Variants in ARHGEF28 observed in about 807,000 individuals in gnomAD.
ARHGEF28 encodes the protein Rho guanine nucleotide exchange factor 28.
Under a neutral mutation model 206.6 loss-of-function variants are expected in ARHGEF28, and 152 were observed. The ratio of observed to expected loss-of-function variants is 0.74; its 90% CI spans 0.64 to 0.84. The LOEUF is 0.84. Ranked by LOEUF, ARHGEF28 falls within the 40% of genes least tolerant of loss-of-function variation. The pLI is 0.00. For missense variants in ARHGEF28, 2,028 were observed against 2,073.2 expected (o/e 0.98, Z 0.42); for synonymous variants, 763 against 776.4 (o/e 0.98, Z 0.29).
In ARHGEF28 at chr5:73,868,221, A is replaced by G; in HGVS notation, c.2419A>G (p.Met807Val). ...TTCTCCCTCTACAGAGTCTTTCATA[A>G]TGGAAGGTGAGGAGAAGACACACTT... ...GSSPSTESFIMEDVVDSSLWS... is the reference protein window; with the variant it reads ...GSSPSTESFIVEDVVDSSLWS... Residue 807 changes from methionine to valine, a missense_variant, in exon 20 of 36, where the codon ATG becomes GTG. Physicochemically the swap from Met to Val is conservative, Grantham distance 21. Around this residue, in one of 3 missense-constraint regions of ARHGEF28, gnomAD observed 1,002 missense variants for 1,015.3 expected, o/e 0.99. Coordinates refer to ENST00000513042, the MANE Select transcript of ARHGEF28 (RefSeq NM_001177693.2). 6.3e-6 allele frequency: 10 copies of G among 1,580,278 alleles called. No individual in the cohort carries two copies. The highest frequency in any genetic ancestry group is 8.6e-6 in the Non-Finnish European group (10 of 1,161,654).
chr5:73,694,738 G>A (rs1047235421), intron 2 of ARHGEF28, among the ~76,000 whole-genome samples: 13 of 152,258 alleles, frequency 8.5e-5, no homozygotes, highest in African/African-American at 2.4e-4. Flanking sequence ...TCCATATCTT[G>A]ATGCTGTTAC....
At position 73,760,961 on chromosome 5, in the gene ARHGEF28, C is replaced by T. The variant is rs189785552; in HGVS notation, c.475+7759C>T. On this transcript the variant is annotated intron_variant, in intron 4 of 35. Transcript: ENST00000513042. The stretch of plus-strand genomic sequence containing the variant: ...CCTTATACTGGAATAGAGAATTACG[C>T]ACTTACTCCCACTTCTGGGAAATAG... Among the ~76,000 whole-genome samples the T allele has an allele frequency of 1.2e-3, 187 of 152,312 alleles. 2 individuals are homozygous for T. The highest frequency in any genetic ancestry group is 4.4e-3 in the African/African-American group (182 of 41,550).
chr5:73,820,313 A>T (rs945222903), intron 9 of ARHGEF28, among the ~76,000 whole-genome samples: 9 of 151,998 alleles, frequency 5.9e-5, no homozygotes, highest in Non-Finnish European at 1.2e-4. Context: ...AGTGTCTCAA[A>T]TTTCTTCCCT....
intron 6 of ARHGEF28, chr5:73,778,331 G>A (rs762744594): frequency 3.9e-5 from 6 of 152,162 alleles, no homozygotes; most frequent in African/African-American, 7.2e-5. Context: ...TAAAGTCTTA[G>A]GCTAGATTTG....
chr5:73,804,672 G>C (rs1271021249), intron 9 of ARHGEF28, among the ~76,000 whole-genome samples: 1 of 151,930 alleles, frequency 6.6e-6, no homozygotes, highest in Non-Finnish European at 1.5e-5. Flanking sequence ...CAGGAATTTT[G>C]TAGAATGTCC....
At chr5:73,745,357 A>C (rs1402528237) in intron 2 of ARHGEF28, among the ~76,000 whole-genome samples, 1 of 152,054 alleles carries the variant, frequency 6.6e-6, no homozygotes, top group Non-Finnish European at 1.5e-5. Flanking sequence ...GGTGTTGACA[A>C]CCATTTCCAC....
rs545384858 is a variant in ARHGEF28, at chr5:73,837,710, TCTTC to T, written c.1147-2754_1147-2751del. On this transcript the variant is annotated intron_variant, in intron 10 of 35. Transcript: ENST00000513042. Reference sequence around the variant, plus strand: ...TTTTCTTTCGTTCTCTTTCTTTCTTTCTTCCTTCCTTCCTTCCTTTCTTTCTTTC... The same window carrying T: ...TTTTCTTTCGTTCTCTTTCTTTCTTTCTTCCTTCCTTCCTTTCTTTCTTTC... Among the ~76,000 whole-genome samples the T allele has an allele frequency of 3.6e-3, 538 of 150,952 alleles. 4 individuals are homozygous for T. The highest frequency in any genetic ancestry group is 8.5e-3 in the African/African-American group (347 of 41,020).
rs1426167511 is a variant in ARHGEF28, at chr5:73,875,136, T to C, written c.2814+1890T>C. On this transcript the variant is annotated intron_variant, in intron 22 of 35. Coordinates refer to ENST00000513042, the MANE Select transcript of ARHGEF28 (RefSeq NM_001177693.2). ...CTAACTGGTGTGAGATGGTATCTCA[T>C]TGTGGTTTTGATTTGCATTTCTCTG... Among the ~76,000 whole-genome samples, 131 of 150,952 alleles carry C rather than the reference T, an allele frequency of 8.7e-4. 1 individual carries two copies. Among genetic ancestry groups the C allele is most frequent in the Middle Eastern group, 6.8e-3 (2 of 294 alleles).
At chr5:73,901,711 C>T (rs1052783548) in intron 31 of ARHGEF28, 1 of 153,248 alleles carries the variant, frequency 6.5e-6, no homozygotes, top group African/African-American at 2.4e-5. Context: ...TTCCTTGACC[C>T]TCCTCTCCTT....
At chr5:73,923,613 G>A (rs188624225) in intron 35 of ARHGEF28, among the ~76,000 whole-genome samples, 2 of 152,276 alleles carry the variant, frequency 1.3e-5, no homozygotes, top group East Asian at 3.9e-4. Flanking sequence ...TACTATGATA[G>A]CCAGTCCCTT....
intron 4 of ARHGEF28, among the ~76,000 whole-genome samples, chr5:73,764,855 A>T (rs1752809428): frequency 6.6e-6 from 1 of 152,216 alleles, no homozygotes; most frequent in African/African-American, 2.4e-5. Context: ...CAGAGCTCTG[A>T]GTAGGCTGTG....
At chr5:73,674,199 A>C (rs995370569) in intron 1 of ARHGEF28, among the ~76,000 whole-genome samples, 1 of 152,074 alleles carries the variant, frequency 6.6e-6, no homozygotes, top group Non-Finnish European at 1.5e-5. Context: ...AAAACAAAAC[A>C]TACCATAGCT....
chr5:73,778,142 G>A (rs1337246486), intron 6 of ARHGEF28: 1 of 151,898 alleles, frequency 6.6e-6, no homozygotes, highest in Non-Finnish European at 1.5e-5. Flanking sequence ...AAAGCACCAA[G>A]TGGTGGTTAT....
In ARHGEF28 at chr5:73,768,385, C is replaced by A. The variant is rs551760413; in HGVS notation, c.476-5470C>A. 1.6e-4 allele frequency among the ~76,000 whole-genome samples: 25 copies of A among 152,278 alleles called. No individual in the cohort carries two copies. In the East Asian group the frequency reaches 2.1e-3, roughly 13 times the overall value. On this transcript the variant is annotated intron_variant, in intron 4 of 35. Coordinates refer to ENST00000513042, the MANE Select transcript of ARHGEF28 (RefSeq NM_001177693.2). ...CAGCTGGGAGGGAGGCTTTACCCTG[C>A]AAAGCCACAGGGGCAGAGCTGCCCA...
At chr5:73,822,169 G>C (rs796692296) in intron 9 of ARHGEF28, among the ~76,000 whole-genome samples, 2 of 150,884 alleles carry the variant, frequency 1.3e-5, no homozygotes, top group Non-Finnish European at 2.9e-5. Context: ...GTGCTTTTCC[G>C]GGGGGAAGGA....
At chr5:73,695,617 C>T (rs1289556693) in intron 2 of ARHGEF28, among the ~76,000 whole-genome samples, 1 of 152,240 alleles carries the variant, frequency 6.6e-6, no homozygotes, top group Admixed American at 6.5e-5. Context: ...TCCCACCACT[C>T]TCCCAGGTGT....
chr5:73,738,332 A>C (rs575644238), intron 2 of ARHGEF28, among the ~76,000 whole-genome samples: 3 of 152,118 alleles, frequency 2.0e-5, no homozygotes, highest in Non-Finnish European at 4.4e-5. Context: ...GCTGTAATGT[A>C]AGGGGTTTGA....
intron 6 of ARHGEF28, 181 bp from the exon 7 acceptor site, chr5:73,780,495 T>C: frequency 3.4e-6 from 2 of 593,458 alleles, no homozygotes; most frequent in Non-Finnish European, 2.9e-6. Flanking sequence ...TCTCCTGACT[T>C]TGCTCGCCCT....
At chr5:73,678,541 G>A (rs1369463231) in intron 1 of ARHGEF28, among the ~76,000 whole-genome samples, 1 of 152,140 alleles carries the variant, frequency 6.6e-6, no homozygotes, top group Non-Finnish European at 1.5e-5. Context: ...TGACTGAAAA[G>A]TGCAAAGCGT....
Sources: gnomAD v4.1 joint callset for allele counts (sites outside exome capture counted in the v4.1 genomes callset) on GRCh38, gnomAD v4.1.1 for gene constraint, gnomAD v4.1.1 regional missense constraint, MANE v1.5 for transcripts, NCBI Gene and HGNC (gene_info 2026-07-23, HGNC 2026-07-21) for gene names.